SLC25A33: variants seen among roughly 807,000 people sequenced by gnomAD.
SLC25A33 encodes the protein solute carrier family 25 member 33, also known as bone marrow stromal cell mitochondrial carrier protein.
Under a neutral mutation model 35.5 loss-of-function variants are expected in SLC25A33, and 15 were observed. The ratio of observed to expected loss-of-function variants is 0.42; its 90% confidence interval spans 0.28 to 0.65. The LOEUF is 0.65. SLC25A33 is among the 30% of genes least tolerant of loss of function. The pLI is 0.20. For missense variants in SLC25A33, 257 were observed against 398.5 expected, an observed-to-expected ratio of 0.64 and a Z score of 3.02; for synonymous variants, 136 against 148.7, an observed-to-expected ratio of 0.91 and a Z score of 0.62.
At chr1:9,549,606 C>T (rs1274825123) in intron 1 of SLC25A33, among the ~76,000 whole-genome samples, 1 of 150,454 alleles carries the variant, frequency 6.6e-6, no homozygotes, top group Non-Finnish European at 1.5e-5. Context: ...CCAAGGCCTC[C>T]AGTACATCAC....
intron 1 of SLC25A33, among the ~76,000 whole-genome samples, chr1:9,542,293 G>A (rs1374477261): frequency 6.6e-6 from 1 of 152,060 alleles, no homozygotes; most frequent in Non-Finnish European, 1.5e-5. Context: ...GAGTACATCT[G>A]CAGTGGCCAG....
intron 1 of SLC25A33, among the ~76,000 whole-genome samples, chr1:9,550,697 A>C (rs1643254598): frequency 6.6e-6 from 1 of 151,748 alleles, no homozygotes; most frequent in Admixed American, 6.6e-5. Context: ...ATTGAGACTG[A>C]GTCTTGGCTT....
chr1:9,550,521 CTTTA>C (rs1427245446), intron 1 of SLC25A33, among the ~76,000 whole-genome samples: 1 of 152,018 alleles, frequency 6.6e-6, no homozygotes, highest in Non-Finnish European at 1.5e-5. Context: ...TCAGATATTT[CTTTA>C]TTTTACTACG....
intron 1 of SLC25A33, among the ~76,000 whole-genome samples, chr1:9,547,204 A>G (rs1643186517): frequency 6.6e-6 from 1 of 152,202 alleles, no homozygotes; most frequent in South Asian, 2.1e-4. Flanking sequence ...CTGTAATCCC[A>G]GCACTTTGGG....
intron 5 of SLC25A33, among the ~76,000 whole-genome samples, chr1:9,579,498 G>A (rs770011860): frequency 2.0e-5 from 3 of 151,648 alleles, no homozygotes; most frequent in South Asian, 2.1e-4. Context: ...AGAGGACATC[G>A]CAAGGATACA....
At chr1:9,565,402 G>T (rs2100396632) in intron 2 of SLC25A33, among the ~76,000 whole-genome samples, 1 of 151,920 alleles carries the variant, frequency 6.6e-6, no homozygotes. Context: ...TGTAGTCCCA[G>T]CTACTTGGTA....
intron 2 of SLC25A33, among the ~76,000 whole-genome samples, chr1:9,561,237 G>A (rs561201624): frequency 7.2e-5 from 11 of 152,164 alleles, no homozygotes; most frequent in South Asian, 2.1e-4. Flanking sequence ...GCCACCGCGC[G>A]CAGCCCTCTT....
chr1:9,550,012 T>TATATATATATATATATATACACATA (rs55887722), intron 1 of SLC25A33, among the ~76,000 whole-genome samples: 1 of 33,834 alleles, frequency 3.0e-5, no homozygotes, highest in African/African-American at 8.7e-5. Context: ...TATATATATA[T>TATATATATATATATATATACACATA]TTTTTTTTTT....
At chr1:9,543,868 G>T (rs1049548761) in intron 1 of SLC25A33, among the ~76,000 whole-genome samples, 1 of 152,206 alleles carries the variant, frequency 6.6e-6, no homozygotes, top group African/African-American at 2.4e-5. Flanking sequence ...CACTGTGGGA[G>T]GCCGAGGCGG....
At position 9,582,372 on chromosome 1, in the gene SLC25A33, C is replaced by A. The variant is rs781281431; in HGVS notation, c.837C>A (p.Phe279Leu). 7 of 1,613,834 alleles carry A rather than the reference C, an allele frequency of 4.3e-6. No homozygotes were observed. The African/African-American group carries it at 8.0e-5, about 18-fold the overall frequency. ...TTGTCCAGACGGCGCGCCTGGTGTT[C>A]CGGGAAGAAGGCTACCTTGCCTTTT... The part of the protein sequence containing the change: ...KSFVQTARLV[F>L]REEGYLAFYR... Residue 279 changes from phenylalanine to leucine, a missense_variant, in exon 7 of 7, where the codon TTC (phenylalanine) becomes TTA (leucine). By Grantham distance (22) the Phe-to-Leu change is conservative (BLOSUM62 0). Coordinates refer to ENST00000302692, the MANE Select transcript of SLC25A33 (RefSeq NM_032315.3). The surrounding 1 kb of genome is among the most constrained non-coding windows in gnomAD (Gnocchi z 4.0).
chr1:9,557,386 CTT>C (rs1643359263), intron 2 of SLC25A33, among the ~76,000 whole-genome samples: 1 of 152,168 alleles, frequency 6.6e-6, no homozygotes, highest in Admixed American at 6.6e-5. Context: ...ATTTCCTCAG[CTT>C]TATTATATAT....
chr1:9,539,708 A>G lies in SLC25A33; in HGVS notation c.17A>G (p.Gln6Arg). The change falls in exon 1 of 7, where the codon CAG becomes CGG. Residue 6 changes from glutamine (Q) to arginine (R), a missense_variant. Physicochemically the swap from Gln to Arg is conservative, Grantham distance 43 (BLOSUM62 1). Transcript: ENST00000302692. ...GGCGCGGCCATGGCGACGGGCGGCC[A>G]GCAGAAGGAGAACACGCTGCTTCAC... MATGGQQKENTLLHLF... is the reference protein window; with the variant it reads MATGGRQKENTLLHLF... The G allele has an allele frequency of 2.9e-6, 4 of 1,395,636 alleles. No homozygotes were observed. Among genetic ancestry groups the G allele is most frequent in the Middle Eastern group, 2.6e-4 (1 of 3,838 alleles). 86.5% of individuals were successfully genotyped at this position (1,395,636 alleles called of 1,614,324 possible). A position where few individuals can be genotyped will look rare whatever the true frequency, so the allele number is the denominator to read the frequency against.
intron 2 of SLC25A33, among the ~76,000 whole-genome samples, chr1:9,558,727 C>A (rs1643379413): frequency 6.6e-6 from 1 of 152,208 alleles, no homozygotes; most frequent in Admixed American, 6.5e-5. Flanking sequence ...CTTCTCACTA[C>A]TTCCTCCACC....
intron 1 of SLC25A33, among the ~76,000 whole-genome samples, chr1:9,549,914 C>T (rs535762130): frequency 3.9e-4 from 56 of 143,334 alleles, no homozygotes; most frequent in Admixed American, 3.4e-3. Context: ...TGAGCCGCCA[C>T]GCCCAACATA....
intron 2 of SLC25A33, among the ~76,000 whole-genome samples, chr1:9,558,717 CTT>C (rs1643379312): frequency 6.6e-6 from 1 of 152,180 alleles, no homozygotes; most frequent in Non-Finnish European, 1.5e-5. Flanking sequence ...AATCTTACCC[CTT>C]CTCACTACTT....
In SLC25A33 at chr1:9,582,602, G is replaced by A; in HGVS notation, c.*101G>A. 8.6e-7 allele frequency: 1 copy of A among 1,162,164 alleles called. No individual in the cohort carries two copies. Among genetic ancestry groups the A allele is most frequent in the East Asian group, 2.6e-5 (1 of 38,798 alleles). The allele number at this position is 1,162,164 out of a possible 1,614,324, so 72.0% of individuals were successfully genotyped here. On this transcript the variant is annotated 3_prime_UTR_variant, in exon 7 of 7. Transcript: ENST00000302692. This position sits in a 1 kb window ranked among gnomAD's most constrained non-coding sequence, Gnocchi z 4.0. ...AAAGTTTGAGACTGAAACAGGAAAG[G>A]CCATAAAATATCTGGTTCATATCAC...
intron 5 of SLC25A33, chr1:9,577,125 TG>T: frequency 2.1e-6 from 1 of 485,690 alleles, no homozygotes; most frequent in Admixed American, 3.3e-5. Context: ...AAGAGTCTTT[TG>T]GGCAGAGAGA....
At chr1:9,567,422 T>A in intron 3 of SLC25A33, 61 bp downstream of exon 3, 1 of 1,458,552 alleles carries the variant, frequency 6.9e-7, no homozygotes, top group Non-Finnish European at 9.5e-7. Flanking sequence ...GGTCCTTTCT[T>A]ACCAAAGGGT....
In SLC25A33 at chr1:9,583,833, A is replaced by G. The variant is rs1569886471; in HGVS notation, c.*1332A>G. 1.3e-5 allele frequency: 2 copies of G among 152,342 alleles called. No individual in the cohort carries two copies. Among genetic ancestry groups the G allele is most frequent in the East Asian group, 3.9e-4 (2 of 5,192 alleles). The allele number at this position is 152,342 out of a possible 1,614,324, so 9.4% of individuals were successfully genotyped here. On this transcript the variant is annotated 3_prime_UTR_variant, in exon 7 of 7. Coordinates refer to ENST00000302692, the MANE Select transcript of SLC25A33 (RefSeq NM_032315.3). ...CGGTGAAACCCCGTCTCTACTAAAA[A>G]AATACAAAAAAATTGGCCATGCGTG...
Sources: gnomAD v4.1 joint callset for allele counts (sites outside exome capture counted in the v4.1 genomes callset) on GRCh38, gnomAD v4.1.1 for gene constraint, Gnocchi (gnomAD v3.1) non-coding constraint, MANE v1.5 for transcripts, NCBI Gene and HGNC (gene_info 2026-07-23, HGNC 2026-07-21) for gene names.